Variants in CDH26 observed in about 807,000 individuals in gnomAD.
The protein encoded by CDH26 is cadherin-like protein 26.
In CDH26, 83 loss-of-function variants were observed where a neutral mutation model predicts 90.3. The ratio of observed to expected loss-of-function variants is 0.92; its 90% CI spans 0.77 to 1.10. CDH26 has a LOEUF of 1.10. CDH26 is among the 50% of genes least tolerant of loss of function. The pLI is 0.00. For synonymous variants in CDH26, 397 were observed against 396.3 expected (o/e 1.00, Z -0.02); for missense variants, 1,013 against 1,037.6 (o/e 0.98, Z 0.33).
chr20:59,996,426 A>C, intron 12 of CDH26: 1 of 1,570,014 alleles, frequency 6.4e-7, no homozygotes, highest in Non-Finnish European at 8.6e-7. Flanking sequence ...GCCAGATAGT[A>C]TTATTGATTA....
At chr20:60,015,763 C>T (rs1332788448), downstream of CDH26, among the ~76,000 whole-genome samples, 1 of 152,142 alleles carries the variant, frequency 6.6e-6, no homozygotes, top group African/African-American at 2.4e-5. Context: ...TTGGGTCTCA[C>T]ATTTAGGTCT....
At position 59,972,042 on chromosome 20, in the gene CDH26, T is replaced by G; in HGVS notation, c.312T>G (p.Gly104=). ...GPGVDEYPEI[G]LFSLEDHENG... ...GTGTGGATGAATATCCAGAGATTGG[T>G]TTGTTTTCTCTAGAAGATCATGAGA... Residue 104 remains glycine, a synonymous_variant, in exon 4 of 18, where the codon GGT becomes GGG. Coordinates refer to ENST00000348616, the MANE Select transcript of CDH26 (RefSeq NM_177980.4). 6.2e-7 allele frequency: 1 copy of G among 1,613,852 alleles called. No homozygotes were observed. Among genetic ancestry groups the G allele is most frequent in the Non-Finnish European group, 8.5e-7 (1 of 1,179,744 alleles).
At chr20:59,978,754 A>G (rs1008173615) in intron 4 of CDH26, among the ~76,000 whole-genome samples, 3 of 152,150 alleles carry the variant, frequency 2.0e-5, no homozygotes, top group African/African-American at 7.2e-5. Flanking sequence ...CACCCCACCC[A>G]CAACTTTTCT....
intron 4 of CDH26, among the ~76,000 whole-genome samples, chr20:59,974,965 T>G (rs1487645274): frequency 6.6e-6 from 1 of 152,126 alleles, no homozygotes; most frequent in African/African-American, 2.4e-5. Flanking sequence ...TATTGTTGAC[T>G]TTGGGGAAAG....
intron 7 of CDH26, among the ~76,000 whole-genome samples, chr20:60,029,417 A>ATAGTCAACAACATAGCACCTG (rs1379320908): frequency 6.6e-6 from 1 of 152,162 alleles, no homozygotes; most frequent in African/African-American, 2.4e-5. Context: ...CGTAGCACCT[A>ATAGTCAACAACATAGCACCTG]TAGTCAACAA....
At chr20:59,995,529 C>CT (rs1569047007) in intron 11 of CDH26, among the ~76,000 whole-genome samples, 1 of 152,226 alleles carries the variant, frequency 6.6e-6, no homozygotes, top group East Asian at 1.9e-4. Context: ...CTAGGTGCCT[C>CT]TTTCCTTGTG....
intron 14 of CDH26, among the ~76,000 whole-genome samples, chr20:60,000,493 T>C (rs1417825196): frequency 6.6e-6 from 1 of 152,196 alleles, no homozygotes; most frequent in East Asian, 1.9e-4. Context: ...TCCTACAAAC[T>C]TGCCTCCTGG....
rs28409250 is a variant in CDH26 at position 59,989,091 on chromosome 20, A to T, written c.1211A>T (p.Asn404Ile). ...PAFHPQSFIV[N>I]KEEGARPGTL... ...TTTCACCCCCAGAGCTTCATTGTCA[A>T]TAAAGAGGAGGGCGCCAGGCCTGGG... The change falls in exon 9 of 18, where the codon AAT (asparagine) becomes ATT (isoleucine). Residue 404 changes from asparagine (N) to isoleucine (I), a missense_variant. Coordinates refer to ENST00000348616, the MANE Select transcript of CDH26 (RefSeq NM_177980.4). 1 of 1,614,182 alleles carries T rather than the reference A, an allele frequency of 6.2e-7. No homozygotes were observed.
Position 59,958,810 on chromosome 20 carries a change from C to T in CDH26, c.69+15C>T. On this transcript the variant is annotated intron_variant, in intron 1 of 17. Transcript: ENST00000348616. ...GGCTGCTGCAGGTAAGCTGAGCCTG[C>T]AGCCTAGTGCTCAGGTGCAGGGAAC... 1 of 1,611,134 alleles carries T rather than the reference C, an allele frequency of 6.2e-7. No individual in the cohort carries two copies.
At chr20:59,995,079 GGTTTCAGCTGAAACT>G (rs1275928607) in intron 11 of CDH26, among the ~76,000 whole-genome samples, 2 of 152,160 alleles carry the variant, frequency 1.3e-5, no homozygotes, top group Non-Finnish European at 2.9e-5. Flanking sequence ...ACTGTGGCAC[GGTTTCAGCTGAAACT>G]GTGTGCTCAA....
chr20:59,998,420 T>G (rs973655001), intron 13 of CDH26, among the ~76,000 whole-genome samples: 2 of 152,174 alleles, frequency 1.3e-5, no homozygotes, highest in Non-Finnish European at 2.9e-5. Flanking sequence ...GAAGCAGCTA[T>G]GGAAGCAGTG....
downstream of CDH26, among the ~76,000 whole-genome samples, chr20:60,018,596 A>G (rs2146028926): frequency 6.6e-6 from 1 of 151,854 alleles, no homozygotes; most frequent in East Asian, 1.9e-4. Flanking sequence ...ATCTGATTCA[A>G]GGTTATTATG....
chr20:59,979,181 G>T (rs2061362374), intron 4 of CDH26, among the ~76,000 whole-genome samples: 1 of 150,636 alleles, frequency 6.6e-6, no homozygotes, highest in Admixed American at 6.6e-5. Context: ...TGTGCATCAA[G>T]AGTTTCTTCT....
chr20:60,020,941 C>G (rs1411504306), intron 7 of CDH26, among the ~76,000 whole-genome samples: 2 of 152,178 alleles, frequency 1.3e-5, no homozygotes, highest in Non-Finnish European at 2.9e-5. Flanking sequence ...GAAAGTCCCT[C>G]CTGTCTCTGG....
Position 59,995,881 on chromosome 20 carries a change from A to C in CDH26, c.1715A>C (p.Tyr572Ser). 6.2e-7 allele frequency: 1 copy of C among 1,614,238 alleles called. No individual in the cohort carries two copies. The highest frequency in any genetic ancestry group is 8.5e-7 in the Non-Finnish European group (1 of 1,180,048). ...TTGAGAAGCCTGCCACGTGGTAATT[A>C]CTTGGTGCCACTCTTCATTGGAGAC... Reference protein sequence around the residue: ...LTLRSLPRGNYLVPLFIGDKQ... With the variant: ...LTLRSLPRGNSLVPLFIGDKQ... Residue 572 changes from tyrosine (Y) to serine (S), a missense_variant, in exon 12 of 18, where the codon TAC (tyrosine) becomes TCC (serine). By Grantham distance (144) the Tyr-to-Ser change is moderately radical. Transcript: ENST00000348616.
chr20:59,965,959 G>A (rs564378260), intron 1 of CDH26, among the ~76,000 whole-genome samples: 1 of 152,174 alleles, frequency 6.6e-6, no homozygotes, highest in Non-Finnish European at 1.5e-5. Context: ...ACATATTTCA[G>A]CCTATAAAAT....
chr20:59,994,807 T>G (rs1003440009), intron 11 of CDH26, among the ~76,000 whole-genome samples: 1 of 152,166 alleles, frequency 6.6e-6, no homozygotes, highest in African/African-American at 2.4e-5. Context: ...CTGTTTGGCC[T>G]GGGTCAGCTG....
chr20:59,997,206 G>T (rs187750), intron 13 of CDH26, among the ~76,000 whole-genome samples: 5,166 of 152,356 alleles, frequency 0.034, 305 homozygotes, highest in African/African-American at 0.12. Context: ...AAATGGGATT[G>T]TGTTAGGCTC....
At chr20:59,974,725 ATT>A (rs2061307407) in intron 4 of CDH26, among the ~76,000 whole-genome samples, 1 of 152,192 alleles carries the variant, frequency 6.6e-6, no homozygotes, top group Non-Finnish European at 1.5e-5. Context: ...TGGCCCTGTC[ATT>A]TAACTACAGA....
Sources: allele counts gnomAD v4.1 joint callset (sites outside exome capture counted in the v4.1 genomes callset), GRCh38; gene constraint gnomAD v4.1.1; transcripts MANE v1.5; gene names NCBI Gene and HGNC (gene_info 2026-07-23, HGNC 2026-07-21).